The following TMEM87B variants were observed in gnomAD, a reference collection of about 807,000 sequenced individuals.
The protein encoded by TMEM87B is transmembrane protein 87B.
A neutral mutation model predicts 80.3 loss-of-function variants in TMEM87B; 83 were observed. The ratio of observed to expected loss-of-function variants is 1.03; its 90% CI spans 0.87 to 1.24. The LOEUF (loss-of-function observed/expected upper bound fraction) is 1.24. Among genes scored for constraint, TMEM87B ranks in the 50% most tolerant of loss-of-function variants. The probability of loss-of-function intolerance (pLI) is 0.00; values close to 1 mark genes in which losing one functional copy is unlikely to be tolerated. For synonymous variants in TMEM87B, 219 were observed against 230.5 expected (o/e 0.95, Z 0.45); for missense variants, 625 against 674.4 (o/e 0.93, Z 0.81).
intron 4 of TMEM87B, among the ~76,000 whole-genome samples, chr2:112,072,391 G>C (rs928050684): frequency 2.0e-5 from 3 of 152,144 alleles, no homozygotes; most frequent in Admixed American, 1.3e-4. Context: ...GAATTTAGCT[G>C]TGAATCCATC....
intron 15 of TMEM87B, among the ~76,000 whole-genome samples, chr2:112,104,266 T>G (rs1274895536): frequency 1.3e-5 from 2 of 152,182 alleles, no homozygotes; most frequent in Non-Finnish European, 2.9e-5. Context: ...AGGAAGAATT[T>G]AAGAAAATAA....
rs140655573 is a variant in TMEM87B, at chr2:112,103,610, C to T, written c.1451-2392C>T. Among the ~76,000 whole-genome samples, 1,438 of 152,138 alleles carry T rather than the reference C, an allele frequency of 9.5e-3. 13 individuals carry two copies. The highest frequency in any genetic ancestry group is 0.032 in the African/African-American group (1,333 of 41,486). ...ATGAAAGGTCCAGAACAGACAAGTCCGTAGAGGCGGAAAGTAGATCAGTGC... is the reference window on the plus strand; with the variant it reads ...ATGAAAGGTCCAGAACAGACAAGTCTGTAGAGGCGGAAAGTAGATCAGTGC... On this transcript the variant is annotated intron_variant, in intron 15 of 18. Coordinates refer to ENST00000283206, the MANE Select transcript of TMEM87B (RefSeq NM_032824.3).
chr2:112,109,412 GA>G (rs1279453061), intron 17 of TMEM87B, among the ~76,000 whole-genome samples: 3 of 152,004 alleles, frequency 2.0e-5, no homozygotes, highest in Non-Finnish European at 4.4e-5. Context: ...TTATTTATGT[GA>G]AAATGTATTT....
At chr2:112,099,260 C>G (rs1013644843) in intron 14 of TMEM87B, among the ~76,000 whole-genome samples, 1 of 152,082 alleles carries the variant, frequency 6.6e-6, no homozygotes, top group Admixed American at 6.6e-5. Context: ...TGTACAGATT[C>G]AACATCCCAA....
Position 112,060,020 on chromosome 2 carries a change from C to G in TMEM87B, c.209C>G (p.Thr70Arg), listed in dbSNP as rs764971826. Residue 70 changes from threonine (T) to arginine (R), a missense_variant, in exon 2 of 19, where the codon ACA becomes AGA. Thr to Arg is a moderately conservative substitution (Grantham distance 71, BLOSUM62 -1). Coordinates refer to ENST00000283206, the MANE Select transcript of TMEM87B (RefSeq NM_032824.3). ...TTTAGGAAAACTATGTTTAACTCTA[C>G]AGATATCAAGTTATCTGGTAAGTAT... ...LIFRKTMFNS[T>R]DIKLSVKSFH... 9 of 1,590,148 alleles carry G rather than the reference C, an allele frequency of 5.7e-6. No individual in the cohort carries two copies. The highest frequency in any genetic ancestry group is 7.7e-6 in the Non-Finnish European group (9 of 1,164,450).
At chr2:112,068,958 C>T (rs1187035674) in intron 4 of TMEM87B, among the ~76,000 whole-genome samples, 3 of 151,030 alleles carry the variant, frequency 2.0e-5, no homozygotes, top group East Asian at 1.9e-4. Flanking sequence ...TTTGGGAGGC[C>T]GAGGCGGGTG....
intron 18 of TMEM87B, among the ~76,000 whole-genome samples, chr2:112,113,438 G>T (rs1013335098): frequency 3.3e-5 from 5 of 152,216 alleles, no homozygotes; most frequent in African/African-American, 9.6e-5. Context: ...AAGGACGAGT[G>T]GAGGGAAGTT....
intron 1 of TMEM87B, among the ~76,000 whole-genome samples, chr2:112,056,586 C>G (rs1275169319): frequency 6.6e-6 from 1 of 152,194 alleles, no homozygotes; most frequent in East Asian, 1.9e-4. Flanking sequence ...GGTCAGATGA[C>G]TCATCCAGCA....
At chr2:112,070,886 G>A (rs951648465) in intron 4 of TMEM87B, among the ~76,000 whole-genome samples, 6 of 150,654 alleles carry the variant, frequency 4.0e-5, no homozygotes, top group African/African-American at 1.5e-4. Flanking sequence ...TAGTGGCGCA[G>A]TCTCCACTCA....
intron 14 of TMEM87B, among the ~76,000 whole-genome samples, chr2:112,099,010 T>G (rs1573720735): frequency 6.6e-6 from 1 of 151,296 alleles, no homozygotes; most frequent in Non-Finnish European, 1.5e-5. Context: ...GGGAAAGGCA[T>G]GAGATACTTT....
chr2:112,061,569 G>A (rs534129908), intron 2 of TMEM87B, among the ~76,000 whole-genome samples: 1 of 152,228 alleles, frequency 6.6e-6, no homozygotes, highest in East Asian at 1.9e-4. Context: ...AAAAATTTTG[G>A]CATCTGTTTA....
intron 1 of TMEM87B, 127 bp from the exon 2 acceptor site, chr2:112,059,850 T>G: frequency 8.0e-7 from 1 of 1,251,240 alleles, no homozygotes; most frequent in Non-Finnish European, 1.1e-6. Flanking sequence ...TGTGATCAGA[T>G]TTACGTTAAA....
At position 112,069,711 on chromosome 2, in the gene TMEM87B, C is replaced by T. The variant is rs140625133; in HGVS notation, c.450+2644C>T. The stretch of plus-strand genomic sequence containing the variant: ...CCAGTAATGGAAGTACTGTGTCAAA[C>T]GGTAGTTCTCTTTTCAGCTCTTTGA... On this transcript the variant is annotated intron_variant, in intron 4 of 18. Transcript: ENST00000283206. Among the ~76,000 whole-genome samples, 483 of 152,274 alleles carry T rather than the reference C, an allele frequency of 3.2e-3. 3 individuals are homozygous for T. The highest frequency in any genetic ancestry group is 0.017 in the Middle Eastern group (5 of 294).
chr2:112,091,715 T>G lies in TMEM87B; in HGVS notation c.1036T>G (p.Ser346Ala). 2 of 1,611,844 alleles carry G rather than the reference T, an allele frequency of 1.2e-6. No homozygotes were observed. Among genetic ancestry groups the G allele is most frequent in the East Asian group, 4.5e-5 (2 of 44,780 alleles). Residue 346 changes from serine to alanine, a missense_variant, in exon 11 of 19, where the codon TCT becomes GCT. Physicochemically the swap from Ser to Ala is moderately conservative, Grantham distance 99 (BLOSUM62 1). Coordinates refer to ENST00000283206, the MANE Select transcript of TMEM87B (RefSeq NM_032824.3). ...VEGVMRVIGG[S>A]NHLAVVLDDI... is the part of the protein sequence containing the mutation. ...TTCCCTTATTTTTATCTTTCAGGGT[T>G]CTAACCATTTAGCTGTTGTTCTTGA...
chr2:112,078,860 A>C (rs891118507), intron 6 of TMEM87B, among the ~76,000 whole-genome samples: 1 of 152,200 alleles, frequency 6.6e-6, no homozygotes, highest in African/African-American at 2.4e-5. Context: ...GTAAATTAGC[A>C]AGGGGGCCAG....
In TMEM87B at chr2:112,098,915, C is replaced by T. The variant is rs113876504; in HGVS notation, c.1376+217C>T. Among the ~76,000 whole-genome samples, 1,375 of 152,250 alleles carry T rather than the reference C, an allele frequency of 9.0e-3. 22 individuals carry two copies. Among genetic ancestry groups the T allele is most frequent in the African/African-American group, 0.03 (1,236 of 41,550 alleles). ...GAGGGTTGAGGAAGACTTCTTGAAGCGACAGCGCTTACATTACACCTTGAG... is the reference window on the plus strand; with the variant it reads ...GAGGGTTGAGGAAGACTTCTTGAAGTGACAGCGCTTACATTACACCTTGAG... On this transcript the variant is annotated intron_variant, in intron 14 of 18. Coordinates refer to ENST00000283206, the MANE Select transcript of TMEM87B (RefSeq NM_032824.3).
intron 11 of TMEM87B, 58 bp from the exon 12 acceptor site, chr2:112,096,986 G>GTTT: frequency 1.6e-5 from 15 of 919,130 alleles, no homozygotes; most frequent in Admixed American, 5.5e-5. Flanking sequence ...AGAAGATTCT[G>GTTT]TTTTTTTTTT....
chr2:112,092,072 A>G (rs1679318421), intron 11 of TMEM87B, among the ~76,000 whole-genome samples: 1 of 152,150 alleles, frequency 6.6e-6, no homozygotes, highest in African/African-American at 2.4e-5. Flanking sequence ...TGTAGGGGAG[A>G]CAGATACATA....
intron 4 of TMEM87B, among the ~76,000 whole-genome samples, chr2:112,073,154 C>G (rs968908467): frequency 2.0e-5 from 3 of 152,150 alleles, no homozygotes; most frequent in African/African-American, 7.2e-5. Context: ...CCCGCCTCAG[C>G]CTCCCAAAGT....
Sources: allele counts gnomAD v4.1 joint callset (sites outside exome capture counted in the v4.1 genomes callset), GRCh38; gene constraint gnomAD v4.1.1; transcripts MANE v1.5; gene names NCBI Gene and HGNC (gene_info 2026-07-23, HGNC 2026-07-21).